Variants in SYDE2 observed in about 807,000 individuals in gnomAD.
SYDE2 encodes the protein synapse defective Rho GTPase homolog 2, also known as rho GTPase-activating protein SYDE2.
SYDE2 carries 76 observed loss-of-function variants against 91.5 expected under a neutral mutation model. That is an observed-to-expected ratio of 0.83 (90% CI 0.69 to 1.01). The LOEUF (loss-of-function observed/expected upper bound fraction) is 1.01, where lower values mean the gene tolerates loss of function less well. Among genes scored for constraint, SYDE2 ranks in the 50% least tolerant of loss-of-function variants. The pLI, the probability that SYDE2 is intolerant of heterozygous loss-of-function variation, is 0.00. For missense variants in SYDE2, 1,364 were observed against 1,367.7 expected (o/e 1.00, Z 0.04); for synonymous variants, 513 against 506.4 (o/e 1.01, Z -0.18).
chr1:85,155,705 C>T (rs147530410), downstream of SYDE2, among the ~76,000 whole-genome samples: 46 of 152,206 alleles, frequency 3.0e-4, no homozygotes, highest in Non-Finnish European at 5.6e-4. Context: ...AGATAAATCA[C>T]CTGGTTTACC....
At chr1:85,170,364 T>G (rs571962139) in intron 4 of SYDE2, among the ~76,000 whole-genome samples, 1 of 152,214 alleles carries the variant, frequency 6.6e-6, no homozygotes, top group African/African-American at 2.4e-5. Context: ...TCTCCCAGAG[T>G]ACCTGGCATG....
intron 1 of SYDE2, among the ~76,000 whole-genome samples, chr1:85,191,355 C>G (rs1658356205): frequency 6.6e-6 from 1 of 152,106 alleles, no homozygotes; most frequent in South Asian, 2.1e-4. Flanking sequence ...AGATTAGAAG[C>G]AGGTATGCTG....
In SYDE2 at chr1:85,200,939, G is replaced by T; in HGVS notation, c.58C>A (p.His20Asn). ...GCCCGGGCTCCCGCGGGGAAGCTGTGATCCGCCAAGCCCCTGCCGCCCCGC... is the reference window on the plus strand; with the variant it reads ...GCCCGGGCTCCCGCGGGGAAGCTGTTATCCGCCAAGCCCCTGCCGCCCCGC... ...ARRGGRGLAD[H>N]SFPAGARAPG... is the part of the protein sequence containing the mutation. Residue 20 changes from histidine to asparagine, a missense_variant, in exon 1 of 7, where the codon CAC becomes AAC. Coordinates refer to ENST00000341460, the MANE Select transcript of SYDE2 (RefSeq NM_032184.2). 7.6e-7 allele frequency: 1 copy of T among 1,322,088 alleles called. No individual in the cohort carries two copies. Among genetic ancestry groups the T allele is most frequent in the South Asian group, 2.3e-5 (1 of 42,796 alleles). The allele number at this position is 1,322,088 out of a possible 1,614,324, so 81.9% of individuals were successfully genotyped here. A position where few individuals can be genotyped will look rare whatever the true frequency, so the allele number is the denominator to read the frequency against.
chr1:85,186,001 A>G (rs1228100214), intron 2 of SYDE2, among the ~76,000 whole-genome samples: 1 of 152,112 alleles, frequency 6.6e-6, no homozygotes, highest in African/African-American at 2.4e-5. Context: ...AGTTTTTAGC[A>G]TGAAGGGTTG....
At chr1:85,175,900 C>T (rs899086879) in intron 4 of SYDE2, among the ~76,000 whole-genome samples, 2 of 151,970 alleles carry the variant, frequency 1.3e-5, no homozygotes, top group African/African-American at 4.8e-5. Context: ...ACAGCTTTAC[C>T]CAAATGGAAT....
At chr1:85,152,895 A>G (rs1656810838), downstream of SYDE2, 1 of 152,238 alleles carries the variant, frequency 6.6e-6, no homozygotes, top group Non-Finnish European at 1.5e-5. Context: ...AACATTTACC[A>G]AAGTGATAAA....
intron 2 of SYDE2, among the ~76,000 whole-genome samples, chr1:85,186,362 G>T (rs994078857): frequency 4.6e-5 from 7 of 152,102 alleles, no homozygotes; most frequent in African/African-American, 1.7e-4. Flanking sequence ...AATAGTTTCA[G>T]AAGGAATGGT....
chr1:85,153,147 G>A (rs1656813496), downstream of SYDE2: 1 of 152,334 alleles, frequency 6.6e-6, no homozygotes, highest in Non-Finnish European at 1.5e-5. Flanking sequence ...AGACAGCAAT[G>A]AGGGTCCCCA....
intron 6 of SYDE2, chr1:85,160,320 T>A: frequency 2.2e-6 from 2 of 916,918 alleles, no homozygotes; most frequent in Non-Finnish European, 2.6e-6. Flanking sequence ...AGACTTAAAG[T>A]GATATTCATA....
At chr1:85,185,477 C>T (rs1435342806) in intron 2 of SYDE2, among the ~76,000 whole-genome samples, 1 of 151,420 alleles carries the variant, frequency 6.6e-6, no homozygotes, top group Non-Finnish European at 1.5e-5. Flanking sequence ...TCTTTTATTT[C>T]ATTGAGCAGT....
rs1658297449 is a variant in SYDE2 at position 85,189,986 on chromosome 1, T to A, written c.1441+71A>T. 4.4e-6 allele frequency: 5 copies of A among 1,133,926 alleles called. No individual in the cohort carries two copies. In the East Asian group the frequency reaches 9.5e-5, roughly 22 times the overall value. The allele number at this position is 1,133,926 out of a possible 1,614,324, so 70.2% of individuals were successfully genotyped here. A position where few individuals can be genotyped will look rare whatever the true frequency, so the allele number is the denominator to read the frequency against. On this transcript the variant is annotated intron_variant, in intron 2 of 6. Transcript: ENST00000341460. ...TGAATATAACAAACATCTTTTATAT[T>A]TAGTTTTAGCTATTATCAAATAATT...
At chr1:85,200,221 G>A (rs202136829) in intron 1 of SYDE2, 31 bp downstream of exon 1, 23 of 1,613,504 alleles carry the variant, frequency 1.4e-5, no homozygotes, top group Non-Finnish European at 1.9e-5. Context: ...AAGGCTCGCG[G>A]TGCTAGCATT....
At chr1:85,160,532 TA>T in intron 6 of SYDE2, 1 of 975,044 alleles carries the variant, frequency 1.0e-6, no homozygotes, top group Non-Finnish European at 1.2e-6. Context: ...ATGTTAGTAT[TA>T]ATATAGAATG....
rs758171558 is a variant in SYDE2 at position 85,200,747 on chromosome 1, T to A, written c.250A>T (p.Ser84Cys). The change falls in exon 1 of 7, where the codon AGC becomes TGC. Residue 84 changes from serine to cysteine, a missense_variant. Coordinates refer to ENST00000341460, the MANE Select transcript of SYDE2 (RefSeq NM_032184.2). The stretch of plus-strand genomic sequence containing the variant: ...ACCCGGAGGCTCTCGAGGCTTCTGC[T>A]GCAGGACGGCCGCATCCGAGGAGTC... ...LRTPRMRPSCSRSLESLRVGA... is the reference protein window; with the variant it reads ...LRTPRMRPSCCRSLESLRVGA... 1.3e-6 allele frequency: 2 copies of A among 1,531,252 alleles called. No homozygotes were observed. The highest frequency in any genetic ancestry group is 2.4e-5 in the South Asian group (2 of 83,800). 94.9% of individuals were successfully genotyped at this position (1,531,252 alleles called of 1,614,324 possible).
chr1:85,159,072 T>A lies in SYDE2; in HGVS notation c.3263A>T (p.Tyr1088Phe), dbSNP rs558257302. ...NRLDSPLSNRYAGDWSSCGEN... is the reference protein window; with the variant it reads ...NRLDSPLSNRFAGDWSSCGEN... ...CCCACAGCTGCTCCAGTCTCCTGCA[T>A]AACGATTGCTAAGTGGACTGTCTAA... Residue 1088 changes from tyrosine (Y) to phenylalanine (F), a missense_variant, in exon 7 of 7, where the codon TAT becomes TTT. Transcript: ENST00000341460. 7 of 780,802 alleles carry A rather than the reference T, an allele frequency of 9.0e-6. No individual in the cohort carries two copies. In the East Asian group the frequency reaches 1.7e-4, roughly 19 times the overall value. 48.4% of individuals were successfully genotyped at this position (780,802 alleles called of 1,614,324 possible). A position where few individuals can be genotyped will look rare whatever the true frequency, so the allele number is the denominator to read the frequency against.
intron 1 of SYDE2, 121 bp from the exon 2 acceptor site, chr1:85,190,873 G>C (rs1658340342): frequency 1.5e-6 from 1 of 665,398 alleles, no homozygotes. Flanking sequence ...ATCACATTCA[G>C]AGACTAAAAT....
chr1:85,186,634 C>G (rs1289600479), intron 2 of SYDE2, among the ~76,000 whole-genome samples: 2 of 151,792 alleles, frequency 1.3e-5, no homozygotes, highest in Non-Finnish European at 2.9e-5. Context: ...GCTACAGTAA[C>G]CAAAACAGCA....
chr1:85,182,662 A>C lies in SYDE2; in HGVS notation c.1980T>G (p.Ile660Met), dbSNP rs1657978057. 1 of 1,613,852 alleles carries C rather than the reference A, an allele frequency of 6.2e-7. No homozygotes were observed. Among genetic ancestry groups the C allele is most frequent in the South Asian group, 1.1e-5 (1 of 91,076 alleles). Residue 660 changes from isoleucine (I) to methionine (M), a missense_variant, in exon 3 of 7, where the codon ATT (isoleucine) becomes ATG (methionine). Transcript: ENST00000341460. ...AAAAGCTATAATGCCTAAAAGCATC[A>C]ATGTCTATTTCATTCTTGCTACAAC... ...SNSCSKNEIDIDAFRHYSFSD... is the reference protein window; with the variant it reads ...SNSCSKNEIDMDAFRHYSFSD...
chr1:85,186,386 T>C (rs570327791), intron 2 of SYDE2, among the ~76,000 whole-genome samples: 2 of 152,306 alleles, frequency 1.3e-5, no homozygotes, highest in African/African-American at 2.4e-5. Flanking sequence ...AGTTCCTCCT[T>C]GTACCTCTGG....
Sources: gnomAD v4.1 joint callset for allele counts (sites outside exome capture counted in the v4.1 genomes callset) on GRCh38, gnomAD v4.1.1 for gene constraint, MANE v1.5 for transcripts, NCBI Gene and HGNC (gene_info 2026-07-23, HGNC 2026-07-21) for gene names.